The following CACNG2 variants were observed in gnomAD, a reference collection of about 807,000 sequenced individuals.
The protein encoded by CACNG2 is voltage-dependent calcium channel gamma-2 subunit.
In CACNG2, 3 loss-of-function variants were observed where a neutral mutation model predicts 25.9. The ratio of observed to expected loss-of-function variants is 0.12; its 90% CI spans 0.05 to 0.30. The LOEUF (loss-of-function observed/expected upper bound fraction) is 0.30, where lower values mean the gene tolerates loss of function less well. Ranked by LOEUF, CACNG2 falls within the 10% of genes least tolerant of loss-of-function variation. CACNG2 has a pLI of 1.00. For missense variants in CACNG2, 341 were observed against 432.5 expected, an observed-to-expected ratio of 0.79 and a Z score of 1.88; for synonymous variants, 167 against 173.3, an observed-to-expected ratio of 0.96 and a Z score of 0.29.
intron 1 of CACNG2, among the ~76,000 whole-genome samples, chr22:36,663,341 G>T (rs1179899563): frequency 6.6e-6 from 1 of 152,090 alleles, no homozygotes; most frequent in African/African-American, 2.4e-5. Flanking sequence ...TTCGCCAAGG[G>T]GTACTTCGAG....
intron 1 of CACNG2, among the ~76,000 whole-genome samples, chr22:36,619,522 T>C (rs140300704): frequency 7.2e-4 from 110 of 152,386 alleles, no homozygotes; most frequent in African/African-American, 2.5e-3. Context: ...AAGTGTTGAC[T>C]CTGTTTGTCT....
At chr22:36,691,220 T>G (rs1037789202) in intron 1 of CACNG2, among the ~76,000 whole-genome samples, 1 of 151,644 alleles carries the variant, frequency 6.6e-6, no homozygotes, top group Non-Finnish European at 1.5e-5. Flanking sequence ...GGGAGCAGGG[T>G]GGGAGGCAGC....
chr22:36,620,198 G>C (rs1167628771), intron 1 of CACNG2, among the ~76,000 whole-genome samples: 1 of 152,326 alleles, frequency 6.6e-6, no homozygotes, highest in East Asian at 1.9e-4. Context: ...AGCAGAGCAG[G>C]CCAGCAAAGA....
chr22:36,699,432 A>G (rs1937383356), intron 1 of CACNG2, among the ~76,000 whole-genome samples: 1 of 149,354 alleles, frequency 6.7e-6, no homozygotes, highest in Non-Finnish European at 1.5e-5. Context: ...AGGCAAGGAC[A>G]TTTTTTTTTT....
chr22:36,588,271 C>T (rs558039682), intron 1 of CACNG2, among the ~76,000 whole-genome samples: 92 of 152,270 alleles, frequency 6.0e-4, no homozygotes, highest in African/African-American at 1.9e-3. Context: ...TAGGAAATGA[C>T]GGAATCAGGG....
At chr22:36,650,619 C>T (rs989108132) in intron 1 of CACNG2, among the ~76,000 whole-genome samples, 2 of 152,190 alleles carry the variant, frequency 1.3e-5, no homozygotes, top group African/African-American at 2.4e-5. Flanking sequence ...ACAAGCAATC[C>T]TCCCACCCTG....
chr22:36,621,260 C>T (rs1482995048), intron 1 of CACNG2, among the ~76,000 whole-genome samples: 1 of 152,174 alleles, frequency 6.6e-6, no homozygotes. Context: ...GTAATCCCAG[C>T]ACTTTGGGAG....
intron 1 of CACNG2, among the ~76,000 whole-genome samples, chr22:36,679,185 C>T (rs45481296): frequency 6.0e-4 from 61 of 102,502 alleles, no homozygotes; most frequent in African/African-American, 2.0e-3. Flanking sequence ...TTCCTTCCTT[C>T]CTTCCTTCCT....
At chr22:36,579,499 C>A (rs1192429747) in intron 2 of CACNG2, among the ~76,000 whole-genome samples, 1 of 151,852 alleles carries the variant, frequency 6.6e-6, no homozygotes, top group African/African-American at 2.4e-5. Flanking sequence ...ACTACCGGGC[C>A]CGAGCACCTG....
intron 1 of CACNG2, among the ~76,000 whole-genome samples, chr22:36,684,127 C>T (rs1235731081): frequency 2.6e-5 from 4 of 152,160 alleles, no homozygotes; most frequent in South Asian, 2.1e-4. Context: ...GTAGGAACAA[C>T]GCTTTTGCAA....
intron 1 of CACNG2, among the ~76,000 whole-genome samples, chr22:36,660,189 A>T (rs1936770371): frequency 6.6e-6 from 1 of 152,238 alleles, no homozygotes; most frequent in Non-Finnish European, 1.5e-5. Context: ...GGGATGCCTG[A>T]GTCATCTCCC....
At chr22:36,605,889 T>C (rs1197698576) in intron 1 of CACNG2, among the ~76,000 whole-genome samples, 1 of 152,270 alleles carries the variant, frequency 6.6e-6, no homozygotes, top group East Asian at 1.9e-4. Context: ...TGAAACAGGA[T>C]GGTTCAAATG....
intron 1 of CACNG2, among the ~76,000 whole-genome samples, chr22:36,610,637 C>T (rs1935925658): frequency 6.6e-6 from 1 of 152,188 alleles, no homozygotes; most frequent in African/African-American, 2.4e-5. Flanking sequence ...ACCCCCAAAG[C>T]CAGCCTGTCC....
At position 36,564,595 on chromosome 22, in the gene CACNG2, G is replaced by T; in HGVS notation, c.728C>A (p.Ser243Tyr). The change falls in exon 4 of 4, where the codon TCC becomes TAC. Residue 243 changes from serine (S) to tyrosine (Y), a missense_variant. Ser to Tyr is a moderately radical substitution (Grantham distance 144). Coordinates refer to ENST00000300105, the MANE Select transcript of CACNG2 (RefSeq NM_006078.5). The surrounding 1 kb of genome is among the most constrained non-coding windows in gnomAD (Gnocchi z 6.7). ...GTCCCTGGAGTGTGAGGGCTCCGTG[G>T]AGCGCGAGCTGGAGCGGCTGCGGCG... ...YQRRSRSSSRSTEPSHSRDAS... is the reference protein window; with the variant it reads ...YQRRSRSSSRYTEPSHSRDAS... 1 of 1,614,038 alleles carries T rather than the reference G, an allele frequency of 6.2e-7. No homozygotes were observed. Among genetic ancestry groups the T allele is most frequent in the Non-Finnish European group, 8.5e-7 (1 of 1,179,974 alleles).
chr22:36,649,283 C>A (rs958892923), intron 1 of CACNG2, among the ~76,000 whole-genome samples: 1 of 152,138 alleles, frequency 6.6e-6, no homozygotes, highest in African/African-American at 2.4e-5. Context: ...CAAATCCTGA[C>A]AGCTCTACTT....
At chr22:36,570,608 C>T (rs1197389793) in intron 2 of CACNG2, among the ~76,000 whole-genome samples, 1 of 151,862 alleles carries the variant, frequency 6.6e-6, no homozygotes, top group South Asian at 2.1e-4. Flanking sequence ...GAAAAAAACA[C>T]AAAAATTAGC....
In CACNG2 at chr22:36,568,654, C is replaced by T. The variant is rs1935170877; in HGVS notation, c.296-2161G>A. 2.0e-5 allele frequency among the ~76,000 whole-genome samples: 3 copies of T among 152,142 alleles called. No homozygotes were observed. In the South Asian group the frequency reaches 6.2e-4, roughly 32 times the overall value. On this transcript the variant is annotated intron_variant, in intron 2 of 3. Transcript: ENST00000300105. ...TCCTGACCTCAAGTGATCTGCCCGC[C>T]TCGGCCTCCCAAAGTGCTGGGATTA... is the stretch of plus-strand genomic sequence containing the variant.
At chr22:36,617,963 A>T (rs1052979376) in intron 1 of CACNG2, among the ~76,000 whole-genome samples, 5 of 152,096 alleles carry the variant, frequency 3.3e-5, no homozygotes, top group Admixed American at 3.3e-4. Context: ...GCTCTGCAGT[A>T]TTTACCTGGC....
chr22:36,579,490 C>G (rs1019298005), intron 2 of CACNG2, among the ~76,000 whole-genome samples: 5 of 150,330 alleles, frequency 3.3e-5, no homozygotes, highest in African/African-American at 1.2e-4. Flanking sequence ...CACCTCTCCA[C>G]TACCGGGCCC....
Sources: gnomAD v4.1 joint callset for allele counts (sites outside exome capture counted in the v4.1 genomes callset) on GRCh38, gnomAD v4.1.1 for gene constraint, Gnocchi (gnomAD v3.1) non-coding constraint, MANE v1.5 for transcripts, NCBI Gene and HGNC (gene_info 2026-07-23, HGNC 2026-07-21) for gene names.